The following SLC35F4 variants were observed in gnomAD, a reference collection of about 807,000 sequenced individuals.
SLC35F4 encodes chromosome 14 open reading frame 36.
Under a neutral mutation model 44.2 loss-of-function variants are expected in SLC35F4, and 24 were observed. That is an observed-to-expected ratio of 0.54 (90% CI 0.39 to 0.76). The LOEUF (loss-of-function observed/expected upper bound fraction) is 0.76. SLC35F4 is among the 30% of genes least tolerant of loss of function. The pLI is 0.00. For synonymous variants in SLC35F4, 238 were observed against 223.6 expected, an observed-to-expected ratio of 1.06 and a Z score of -0.57; for missense variants, 562 against 586.1, an observed-to-expected ratio of 0.96 and a Z score of 0.42.
chr14:57,857,049 G>A (rs1253844693), intron 1 of SLC35F4, among the ~76,000 whole-genome samples: 1 of 152,020 alleles, frequency 6.6e-6, no homozygotes, highest in East Asian at 1.9e-4. Context: ...GACGAGGCGG[G>A]TGGATCACCT....
chr14:57,944,751 G>GAAAGAA (rs869201293), intron 1 of SLC35F4, among the ~76,000 whole-genome samples: 48 of 125,758 alleles, frequency 3.8e-4, no homozygotes, highest in Non-Finnish European at 6.5e-4. Context: ...AAGAAAGAAA[G>GAAAGAA]AAGAAAGGAA....
At chr14:57,620,674 C>T (rs890134973) in intron 1 of SLC35F4, among the ~76,000 whole-genome samples, 6 of 152,078 alleles carry the variant, frequency 3.9e-5, no homozygotes, top group Non-Finnish European at 8.8e-5. Context: ...ATAGATAGCT[C>T]TTATTATTTT....
intron 1 of SLC35F4, among the ~76,000 whole-genome samples, chr14:57,958,670 TA>T (rs747663700): frequency 1.3e-5 from 2 of 152,128 alleles, no homozygotes. Flanking sequence ...ATATCTCAAC[TA>T]AAAAAATGGT....
chr14:57,701,983 T>G (rs1200351783), intron 1 of SLC35F4, among the ~76,000 whole-genome samples: 1 of 152,042 alleles, frequency 6.6e-6, no homozygotes, highest in East Asian at 1.9e-4. Flanking sequence ...AAATATGCAA[T>G]AGTAATATGA....
chr14:57,842,974 A>G (rs1885636994), intron 1 of SLC35F4, among the ~76,000 whole-genome samples: 1 of 152,170 alleles, frequency 6.6e-6, no homozygotes, highest in East Asian at 1.9e-4. Context: ...TCTTCCACTC[A>G]TGCTGGATGT....
At chr14:57,912,123 T>C (rs1013126150) in intron 1 of SLC35F4, among the ~76,000 whole-genome samples, 4 of 151,976 alleles carry the variant, frequency 2.6e-5, no homozygotes, top group African/African-American at 9.7e-5. Flanking sequence ...ATTTTCTCTT[T>C]CATTTCTGTT....
In SLC35F4 at chr14:57,804,063, G is replaced by A. The variant is rs144776301; in HGVS notation, c.103+61660C>T. On this transcript the variant is annotated intron_variant, in intron 1 of 7. Coordinates refer to ENST00000556826, the MANE Select transcript of SLC35F4 (RefSeq NM_001306087.2). Reference sequence around the variant, plus strand: ...AATATCTAGGGATACAACTAAAAAGGGAAGTGAAGGACTTCTTTGAGGAGA... The same window carrying A: ...AATATCTAGGGATACAACTAAAAAGAGAAGTGAAGGACTTCTTTGAGGAGA... 1.5e-4 allele frequency among the ~76,000 whole-genome samples: 23 copies of A among 152,202 alleles called. No homozygotes were observed. In the East Asian group the frequency reaches 3.1e-3, roughly 20 times the overall value.
At chr14:57,716,859 C>T (rs1340966220) in intron 1 of SLC35F4, among the ~76,000 whole-genome samples, 1 of 151,890 alleles carries the variant, frequency 6.6e-6, no homozygotes, top group South Asian at 2.1e-4. Context: ...TTCTGTTAAC[C>T]CACCTCTCCC....
chr14:57,963,490 A>G (rs1890376103), intron 1 of SLC35F4, among the ~76,000 whole-genome samples: 1 of 152,300 alleles, frequency 6.6e-6, no homozygotes, highest in South Asian at 2.1e-4. Context: ...TTTCAGCAGC[A>G]GGTCCTGCAG....
At chr14:57,813,209 C>T (rs1446652975) in intron 1 of SLC35F4, among the ~76,000 whole-genome samples, 5 of 152,370 alleles carry the variant, frequency 3.3e-5, no homozygotes, top group Admixed American at 3.3e-4. Context: ...CCCAACTCCA[C>T]CCCAACACCA....
At chr14:57,724,719 A>T (rs2076162163) in intron 1 of SLC35F4, among the ~76,000 whole-genome samples, 1 of 152,178 alleles carries the variant, frequency 6.6e-6, no homozygotes. Context: ...GGAAGAGAAG[A>T]CTAGGGCTTG....
intron 1 of SLC35F4, among the ~76,000 whole-genome samples, chr14:57,659,270 G>A (rs2074062714): frequency 6.6e-6 from 1 of 152,098 alleles, no homozygotes; most frequent in Admixed American, 6.5e-5. Context: ...CAGAGGAGGT[G>A]GTGACAGTCA....
chr14:57,667,100 G>A (rs1248370033), intron 1 of SLC35F4, among the ~76,000 whole-genome samples: 1 of 151,318 alleles, frequency 6.6e-6, no homozygotes, highest in African/African-American at 2.4e-5. Context: ...GAGGAGAGAA[G>A]AGCAGATTAA....
intron 1 of SLC35F4, among the ~76,000 whole-genome samples, chr14:57,753,846 G>A (rs545525599): frequency 4.3e-4 from 65 of 151,966 alleles, no homozygotes; most frequent in African/African-American, 1.5e-3. Flanking sequence ...CTCCCATTTG[G>A]CCCTTTTCTT....
chr14:57,803,021 A>G (rs1415656488), intron 1 of SLC35F4, among the ~76,000 whole-genome samples: 2 of 150,614 alleles, frequency 1.3e-5, no homozygotes, highest in African/African-American at 4.9e-5. Context: ...TTGCAGGCCA[A>G]TATCCTTGAT....
intron 1 of SLC35F4, among the ~76,000 whole-genome samples, chr14:57,690,858 G>A (rs2075211333): frequency 1.3e-5 from 2 of 152,084 alleles, no homozygotes; most frequent in East Asian, 3.9e-4. Flanking sequence ...GTGGAGCTCA[G>A]GCAATAATGC....
intron 4 of SLC35F4, among the ~76,000 whole-genome samples, chr14:57,580,053 T>G (rs2069133139): frequency 6.6e-6 from 1 of 152,182 alleles, no homozygotes; most frequent in Non-Finnish European, 1.5e-5. Context: ...CAGTAAAGAA[T>G]GTAGTGTCAC....
chr14:57,782,504 A>G (rs912681906), intron 1 of SLC35F4, among the ~76,000 whole-genome samples: 1 of 152,258 alleles, frequency 6.6e-6, no homozygotes, highest in Non-Finnish European at 1.5e-5. Context: ...ATTAAAATCT[A>G]TGGGTAAACA....
intron 1 of SLC35F4, among the ~76,000 whole-genome samples, chr14:57,962,511 C>G (rs1351307411): frequency 2.6e-5 from 4 of 152,232 alleles, no homozygotes; most frequent in African/African-American, 9.6e-5. Flanking sequence ...TTCCTGCCCC[C>G]TGCTGAAAGT....
Sources: gnomAD v4.1 joint callset for allele counts (sites outside exome capture counted in the v4.1 genomes callset) on GRCh38, gnomAD v4.1.1 for gene constraint, MANE v1.5 for transcripts, NCBI Gene and HGNC (gene_info 2026-07-23, HGNC 2026-07-21) for gene names.